The following NREP variants were observed in gnomAD, a reference collection of about 807,000 sequenced individuals.
NREP encodes the protein neuronal regeneration related protein.
NREP carries 5 observed loss-of-function variants against 8.6 expected under a neutral mutation model. That is an observed-to-expected ratio of 0.58 (90% CI 0.30 to 1.22). The LOEUF is 1.22. NREP is among the 50% of genes most tolerant of loss of function. The pLI, the probability that NREP is intolerant of heterozygous loss-of-function variation, is 0.07. For synonymous variants in NREP, 27 were observed against 28.0 expected, an observed-to-expected ratio of 0.96 and a Z score of 0.11; for missense variants, 86 against 82.5, an observed-to-expected ratio of 1.04 and a Z score of -0.17.
chr5:111,856,222 A>G (rs957444613), intron 2 of NREP, among the ~76,000 whole-genome samples: 1 of 152,174 alleles, frequency 6.6e-6, no homozygotes, highest in African/African-American at 2.4e-5. Flanking sequence ...AAACATATGA[A>G]CTAGATTTTA....
intron 2 of NREP, among the ~76,000 whole-genome samples, chr5:111,809,875 GTGT>G (rs1752231813): frequency 2.0e-5 from 1 of 49,594 alleles, no homozygotes; most frequent in Non-Finnish European, 4.7e-5. Context: ...TTTGGCGTGT[GTGT>G]GTGTGTGTGT....
At chr5:111,964,694 G>C (rs75291256) in intron 2 of NREP, among the ~76,000 whole-genome samples, 1 of 151,648 alleles carries the variant, frequency 6.6e-6, no homozygotes, top group Admixed American at 6.6e-5. Context: ...TAGACAACTG[G>C]CTGTGTCCAG....
chr5:111,796,259 C>T (rs1429675697), intron 2 of NREP, among the ~76,000 whole-genome samples: 1 of 152,154 alleles, frequency 6.6e-6, no homozygotes, highest in African/African-American at 2.4e-5. Context: ...TGTCCTCACA[C>T]CTCCTGCTCT....
chr5:111,869,030 A>G (rs1581176288), intron 2 of NREP, among the ~76,000 whole-genome samples: 2 of 152,214 alleles, frequency 1.3e-5, no homozygotes, highest in African/African-American at 4.8e-5. Flanking sequence ...GGGTCTTATC[A>G]TAGAACACGC....
chr5:111,914,588 G>A (rs1581213989), intron 2 of NREP, among the ~76,000 whole-genome samples: 1 of 152,100 alleles, frequency 6.6e-6, no homozygotes, highest in Non-Finnish European at 1.5e-5. Context: ...TAGGATGGAC[G>A]TGTCAGGTTA....
intron 2 of NREP, among the ~76,000 whole-genome samples, chr5:111,771,105 A>T (rs1404907025): frequency 6.6e-6 from 1 of 152,186 alleles, no homozygotes; most frequent in Non-Finnish European, 1.5e-5. Flanking sequence ...CTATTAGGAG[A>T]ATTGCATTGA....
intron 2 of NREP, among the ~76,000 whole-genome samples, chr5:111,863,612 A>G (rs1753600582): frequency 6.6e-6 from 1 of 152,152 alleles, no homozygotes; most frequent in Admixed American, 6.6e-5. Context: ...CGAGTCTGAG[A>G]AATGGCGGCC....
chr5:111,941,449 A>G (rs1755826917), intron 2 of NREP, among the ~76,000 whole-genome samples: 1 of 152,084 alleles, frequency 6.6e-6, no homozygotes, highest in South Asian at 2.1e-4. Flanking sequence ...ATTGGCTTGT[A>G]GATGGCTGTC....
At position 111,825,957 on chromosome 5, in the gene NREP, A is replaced by ATT. The variant is rs370482212; in HGVS notation, c.136-90452_136-90451dup. ...AAATATAATCTTTTTGCTCGTTTGG[A>ATT]TTTTTTTTTTTTTTTTGAGACAGTC... On this transcript the variant is annotated intron_variant, in intron 2 of 3. Transcript: ENST00000395634. 9.5e-4 allele frequency among the ~76,000 whole-genome samples: 133 copies of ATT among 140,336 alleles called. 2 individuals are homozygous for ATT. The highest frequency in any genetic ancestry group is 9.0e-3 in the South Asian group (39 of 4,324). The allele number at this position is 140,336 out of a possible 152,430, so 92.1% of individuals were successfully genotyped here. A position where few individuals can be genotyped will look rare whatever the true frequency, so the allele number is the denominator to read the frequency against.
At chr5:111,950,553 T>C (rs2112633438) in intron 2 of NREP, among the ~76,000 whole-genome samples, 1 of 151,574 alleles carries the variant, frequency 6.6e-6, no homozygotes, top group African/African-American at 2.4e-5. Flanking sequence ...AAATGGGATT[T>C]AATCAAAGTA....
intron 2 of NREP, among the ~76,000 whole-genome samples, chr5:111,927,469 G>A (rs1205957376): frequency 1.3e-5 from 2 of 152,140 alleles, no homozygotes; most frequent in African/African-American, 4.8e-5. Flanking sequence ...GGGACATGGT[G>A]TGAAAGGAAA....
intron 2 of NREP, among the ~76,000 whole-genome samples, chr5:111,765,902 A>G (rs1316437994): frequency 1.3e-5 from 2 of 152,122 alleles, no homozygotes; most frequent in Non-Finnish European, 2.9e-5. Flanking sequence ...AATGGCACCT[A>G]CACTTCCTAA....
At chr5:111,970,283 T>C (rs1040744165) in intron 2 of NREP, among the ~76,000 whole-genome samples, 2 of 152,180 alleles carry the variant, frequency 1.3e-5, no homozygotes, top group African/African-American at 4.8e-5. Flanking sequence ...ACATATCTGC[T>C]TACATACATA....
At chr5:111,759,274 T>C (rs1750902608), upstream of NREP, among the ~76,000 whole-genome samples, 1 of 152,232 alleles carries the variant, frequency 6.6e-6, no homozygotes, top group Non-Finnish European at 1.5e-5. Context: ...ACCAAAAATC[T>C]ATCCCAGTGA....
intron 2 of NREP, among the ~76,000 whole-genome samples, chr5:111,913,785 G>A (rs545789222): frequency 1.1e-3 from 163 of 152,138 alleles, no homozygotes; most frequent in African/African-American, 3.8e-3. Context: ...ATAGGGATGA[G>A]GCTATTACTA....
chr5:111,886,899 C>G (rs1228785223), intron 2 of NREP, among the ~76,000 whole-genome samples: 1 of 151,750 alleles, frequency 6.6e-6, no homozygotes, highest in Non-Finnish European at 1.5e-5. Flanking sequence ...GTGCAGCACA[C>G]CAGCATGGCA....
chr5:111,838,589 T>C (rs1752951101), intron 2 of NREP, among the ~76,000 whole-genome samples: 1 of 152,132 alleles, frequency 6.6e-6, no homozygotes, highest in Non-Finnish European at 1.5e-5. Flanking sequence ...GAAATTCTGC[T>C]TCAAATCTAT....
Position 111,795,284 on chromosome 5 carries a change from G to A in NREP, c.136-59777C>T, listed in dbSNP as rs568441264. ...AGGGAGTGGACTGGCTGCCTCAGGT[G>A]TATATTCTGCTCCAGACTGTGATTC... On this transcript the variant is annotated intron_variant, in intron 2 of 3. Transcript: ENST00000395634. Among the ~76,000 whole-genome samples, 35 of 152,316 alleles carry A rather than the reference G, an allele frequency of 2.3e-4. No homozygotes were observed. In the East Asian group the frequency reaches 5.2e-3, roughly 23 times the overall value.
chr5:111,907,618 C>T (rs575844213), intron 2 of NREP, among the ~76,000 whole-genome samples: 61 of 152,064 alleles, frequency 4.0e-4, no homozygotes, highest in Non-Finnish European at 7.1e-4. Context: ...TTGTTAAATG[C>T]CCTTAATAAT....
Sources: allele counts gnomAD v4.1 joint callset (sites outside exome capture counted in the v4.1 genomes callset), GRCh38; gene constraint gnomAD v4.1.1; transcripts MANE v1.5; gene names NCBI Gene and HGNC (gene_info 2026-07-23, HGNC 2026-07-21).